Variants in UNC5D observed in about 807,000 individuals in gnomAD.
UNC5D encodes unc-5 netrin receptor D, also known as netrin receptor UNC5D.
Under a neutral mutation model 105.4 loss-of-function variants are expected in UNC5D, and 39 were observed. That is an observed-to-expected ratio of 0.37 (90% CI 0.29 to 0.48). The LOEUF (loss-of-function observed/expected upper bound fraction) is 0.48. Among genes scored for constraint, UNC5D ranks in the 20% least tolerant of loss-of-function variants. The pLI is 0.98. For missense variants in UNC5D, 991 were observed against 1,202.4 expected (o/e 0.82, Z 2.60); for synonymous variants, 452 against 450.4 (o/e 1.00, Z -0.04).
chr8:35,273,509 A>G (rs866935282), intron 1 of UNC5D, among the ~76,000 whole-genome samples: 10 of 152,312 alleles, frequency 6.6e-5, no homozygotes, highest in Middle Eastern at 3.4e-3. Context: ...AGGAATAAAA[A>G]CTTCCCTCTG....
intron 1 of UNC5D, among the ~76,000 whole-genome samples, chr8:35,236,292 G>A (rs948347005): frequency 1.7e-4 from 26 of 152,220 alleles, no homozygotes; most frequent in Admixed American, 1.2e-3. Flanking sequence ...CCTGGGGAGA[G>A]GGGCCAGGTG....
At chr8:35,724,340 G>C in intron 9 of UNC5D, 3 of 1,524,810 alleles carry the variant, frequency 2.0e-6, no homozygotes, top group Non-Finnish European at 2.6e-6. Context: ...GCCTCATGCT[G>C]ATATCATGTG....
At chr8:35,448,573 C>A (rs1301237372) in intron 1 of UNC5D, among the ~76,000 whole-genome samples, 2 of 152,086 alleles carry the variant, frequency 1.3e-5, no homozygotes, top group African/African-American at 4.8e-5. Flanking sequence ...ACCTCCCCAG[C>A]AGAGGTGGGG....
chr8:35,290,764 C>T (rs892505962), intron 1 of UNC5D, among the ~76,000 whole-genome samples: 3 of 152,052 alleles, frequency 2.0e-5, no homozygotes, highest in East Asian at 3.9e-4. Context: ...GCCTGACCAA[C>T]GTGGAGAAAC....
At chr8:35,739,442 A>C (rs2131601852) in intron 11 of UNC5D, among the ~76,000 whole-genome samples, 1 of 152,180 alleles carries the variant, frequency 6.6e-6, no homozygotes, top group East Asian at 1.9e-4. Context: ...AAACCCCCTC[A>C]GTCCACAAGT....
intron 4 of UNC5D, among the ~76,000 whole-genome samples, chr8:35,600,391 G>A (rs1176888636): frequency 1.3e-5 from 2 of 152,156 alleles, no homozygotes; most frequent in East Asian, 1.9e-4. Context: ...GACTTCCACA[G>A]TGGTTGAATT....
At chr8:35,704,860 T>C (rs145167997) in intron 7 of UNC5D, among the ~76,000 whole-genome samples, 1 of 151,992 alleles carries the variant, frequency 6.6e-6, no homozygotes, top group Non-Finnish European at 1.5e-5. Flanking sequence ...TAGATTATTT[T>C]AATGATGGGA....
chr8:35,626,038 G>A (rs937395424), intron 4 of UNC5D, among the ~76,000 whole-genome samples: 1 of 152,082 alleles, frequency 6.6e-6, no homozygotes, highest in African/African-American at 2.4e-5. Flanking sequence ...TTCAGCTTTT[G>A]TTTAGAACCC....
chr8:35,784,989 T>C (rs114301913), intron 16 of UNC5D, among the ~76,000 whole-genome samples: 4 of 151,930 alleles, frequency 2.6e-5, no homozygotes, highest in African/African-American at 9.7e-5. Flanking sequence ...AAGAAAAAAA[T>C]AGTTTCATTT....
At chr8:35,328,143 G>A (rs557896184) in intron 1 of UNC5D, among the ~76,000 whole-genome samples, 4 of 152,250 alleles carry the variant, frequency 2.6e-5, no homozygotes, top group South Asian at 2.1e-4. Context: ...CTTATATAAT[G>A]TATATGTGTA....
chr8:35,307,476 T>A (rs932102891), intron 1 of UNC5D, among the ~76,000 whole-genome samples: 6 of 152,174 alleles, frequency 3.9e-5, no homozygotes, highest in Non-Finnish European at 7.4e-5. Context: ...AGACAACTGC[T>A]GTTTGACTGG....
At chr8:35,266,492 G>A (rs1055655179) in intron 1 of UNC5D, among the ~76,000 whole-genome samples, 2 of 152,222 alleles carry the variant, frequency 1.3e-5, no homozygotes, top group African/African-American at 2.4e-5. Context: ...CAGAGCTTAT[G>A]TGGTTTGTTA....
intron 1 of UNC5D, among the ~76,000 whole-genome samples, chr8:35,334,700 G>T (rs1810887610): frequency 6.6e-6 from 1 of 151,962 alleles, no homozygotes; most frequent in African/African-American, 2.4e-5. Flanking sequence ...TTTTAGTAGA[G>T]ACGGGGTTTC....
In UNC5D at chr8:35,759,473, C is replaced by T; in HGVS notation, c.2313+4C>T. ...TAAACCATTCACTGCCTGCCAGGTA[C>T]TGGCCAAATGGGTTTCTAACAGAAA... On this transcript the variant is annotated splice_donor_region_variant and intron_variant, in intron 14 of 16. Transcript: ENST00000404895. The T allele has an allele frequency of 1.9e-6, 3 of 1,610,744 alleles. No individual in the cohort carries two copies. Among genetic ancestry groups the T allele is most frequent in the Non-Finnish European group, 2.5e-6 (3 of 1,179,242 alleles).
chr8:35,258,062 A>G (rs1277620570), intron 1 of UNC5D, among the ~76,000 whole-genome samples: 3 of 152,116 alleles, frequency 2.0e-5, no homozygotes, highest in Non-Finnish European at 2.9e-5. Context: ...ATGGTTTTGG[A>G]GGTTGGCAAG....
intron 4 of UNC5D, among the ~76,000 whole-genome samples, chr8:35,603,496 G>C (rs1473239022): frequency 1.3e-5 from 2 of 152,140 alleles, no homozygotes; most frequent in Non-Finnish European, 2.9e-5. Context: ...GTGTGGTGTG[G>C]TGCTGAAAAG....
chr8:35,491,850 A>G (rs374513856), intron 1 of UNC5D, among the ~76,000 whole-genome samples: 1 of 152,162 alleles, frequency 6.6e-6, no homozygotes, highest in East Asian at 1.9e-4. Flanking sequence ...CAGCTATCAA[A>G]CACATATATT....
chr8:35,398,928 G>C (rs1804269015), intron 1 of UNC5D, among the ~76,000 whole-genome samples: 1 of 151,930 alleles, frequency 6.6e-6, no homozygotes, highest in African/African-American at 2.4e-5. Flanking sequence ...GGCTGAGGTG[G>C]GCAGATTGCC....
intron 1 of UNC5D, among the ~76,000 whole-genome samples, chr8:35,441,948 T>C (rs1807433429): frequency 2.0e-5 from 3 of 151,852 alleles, no homozygotes; most frequent in South Asian, 2.1e-4. Flanking sequence ...CAGGACCTAT[T>C]TGATTTGTAG....
Sources: allele counts gnomAD v4.1 joint callset (sites outside exome capture counted in the v4.1 genomes callset), GRCh38; gene constraint gnomAD v4.1.1; transcripts MANE v1.5; gene names NCBI Gene and HGNC (gene_info 2026-07-23, HGNC 2026-07-21).